Variants in GPATCH2 observed in about 807,000 individuals in gnomAD.
GPATCH2 encodes the protein G-patch domain containing 2.
GPATCH2 carries 51 observed loss-of-function variants against 58.0 expected under a neutral mutation model. The observed-to-expected ratio is 0.88, with a 90% CI of 0.70 to 1.11. GPATCH2 has a LOEUF of 1.11. Among genes scored for constraint, GPATCH2 ranks in the 50% most tolerant of loss-of-function variants. GPATCH2 has a pLI of 0.00. For synonymous variants in GPATCH2, 222 were observed against 218.5 expected, an observed-to-expected ratio of 1.02 and a Z score of -0.14; for missense variants, 625 against 652.2, an observed-to-expected ratio of 0.96 and a Z score of 0.45.
Position 217,449,237 on chromosome 1 carries a change from CTT to C in GPATCH2, c.1366+10_1366+11del. 6.8e-7 allele frequency: 1 copy of C among 1,459,914 alleles called. No individual in the cohort carries two copies. Among genetic ancestry groups the C allele is most frequent in the South Asian group, 1.1e-5 (1 of 87,850 alleles). The allele number at this position is 1,459,914 out of a possible 1,614,324, so 90.4% of individuals were successfully genotyped here. ...ACATTTGTGCTCCACTCTAACCCTG[CTT>C]TTGTTTTACCTGCAGTAGTAGGTCC... On this transcript the variant is annotated intron_variant, in intron 9 of 9. Transcript: ENST00000366935.
intron 5 of GPATCH2, among the ~76,000 whole-genome samples, chr1:217,580,339 G>A (rs767849186): frequency 3.0e-4 from 46 of 152,128 alleles, no homozygotes; most frequent in Non-Finnish European, 2.5e-4. Flanking sequence ...ATGAGATGAT[G>A]TACAGAGGAT....
chr1:217,465,376 A>C (rs1366350212), intron 8 of GPATCH2, among the ~76,000 whole-genome samples: 1 of 152,174 alleles, frequency 6.6e-6, no homozygotes, highest in Non-Finnish European at 1.5e-5. Context: ...AAAGCAACAA[A>C]ACAAAACAAA....
intron 5 of GPATCH2, among the ~76,000 whole-genome samples, chr1:217,587,609 G>A (rs1445487630): frequency 2.0e-5 from 3 of 152,138 alleles, no homozygotes; most frequent in Non-Finnish European, 4.4e-5. Flanking sequence ...ACAGTAGTGT[G>A]AAATTGTGGG....
chr1:217,579,622 A>C (rs577493445), intron 5 of GPATCH2, among the ~76,000 whole-genome samples: 24 of 152,302 alleles, frequency 1.6e-4, no homozygotes, highest in African/African-American at 5.8e-4. Flanking sequence ...CTATAGATGA[A>C]TGCCAAATCC....
At chr1:217,610,275 G>A (rs775303508) in intron 5 of GPATCH2, 46 bp downstream of exon 5, 1 of 1,487,980 alleles carries the variant, frequency 6.7e-7, no homozygotes, top group Non-Finnish European at 9.4e-7. Flanking sequence ...CCATAGAAAT[G>A]GAAACATTTC....
chr1:217,494,987 T>C (rs1361023866), intron 7 of GPATCH2: 5 of 226,406 alleles, frequency 2.2e-5, no homozygotes, highest in Admixed American at 6.5e-5. Flanking sequence ...AAACAGAACT[T>C]GTGAATATGG....
intron 5 of GPATCH2, 76 bp downstream of exon 5, chr1:217,610,245 T>C: frequency 6.6e-7 from 1 of 1,505,566 alleles, no homozygotes; most frequent in South Asian, 1.1e-5. Flanking sequence ...GAATAAAGGA[T>C]GAGGATGTGG....
chr1:217,447,982 C>T (rs1379500728), intron 9 of GPATCH2, among the ~76,000 whole-genome samples: 1 of 151,794 alleles, frequency 6.6e-6, no homozygotes, highest in East Asian at 1.9e-4. Context: ...CCCATAATCC[C>T]AACCACTTGG....
chr1:217,552,640 A>G (rs1665421061), intron 5 of GPATCH2, among the ~76,000 whole-genome samples: 1 of 152,190 alleles, frequency 6.6e-6, no homozygotes, highest in Admixed American at 6.5e-5. Context: ...TCTGAAAACA[A>G]ATTGCCTAAA....
intron 8 of GPATCH2, among the ~76,000 whole-genome samples, chr1:217,460,640 T>A (rs1476343926): frequency 6.6e-6 from 1 of 152,232 alleles, no homozygotes; most frequent in Non-Finnish European, 1.5e-5. Context: ...TATGGAGCAG[T>A]GGGAGGAGAT....
rs36063116 is a variant in GPATCH2 at position 217,515,799 on chromosome 1, T to TAA, written c.1099-912_1099-911dup. 2.8e-4 allele frequency among the ~76,000 whole-genome samples: 41 copies of TAA among 148,876 alleles called. No individual in the cohort carries two copies. In the South Asian group the frequency reaches 3.0e-3, roughly 11 times the overall value. On this transcript the variant is annotated intron_variant, in intron 5 of 9. Coordinates refer to ENST00000366935, the MANE Select transcript of GPATCH2 (RefSeq NM_018040.5). ...AAAAAAAGACCAGTGACTTATTACA[T>TAA]AAAAAAAAAAGTTTAATTAGATCAG...
chr1:217,617,928 A>C (rs1027396044), intron 2 of GPATCH2, among the ~76,000 whole-genome samples: 2 of 152,110 alleles, frequency 1.3e-5, no homozygotes, highest in Admixed American at 1.3e-4. Flanking sequence ...TACCAGTTAC[A>C]TGTCCTATAA....
intron 5 of GPATCH2, among the ~76,000 whole-genome samples, chr1:217,597,227 G>A (rs1416330504): frequency 6.6e-6 from 1 of 152,024 alleles, no homozygotes; most frequent in Admixed American, 6.6e-5. Context: ...TAGCTACTCA[G>A]GAGGCTGAGG....
intron 5 of GPATCH2, among the ~76,000 whole-genome samples, chr1:217,584,856 T>C (rs1667264420): frequency 6.6e-6 from 1 of 152,178 alleles, no homozygotes; most frequent in Non-Finnish European, 1.5e-5. Context: ...ATTAGTTATA[T>C]GGTAGACAAT....
At chr1:217,471,176 T>C (rs916523324) in intron 8 of GPATCH2, among the ~76,000 whole-genome samples, 12 of 152,058 alleles carry the variant, frequency 7.9e-5, no homozygotes, top group Non-Finnish European at 2.9e-5. Context: ...GAATTTGTTT[T>C]AAAATCCTAA....
intron 9 of GPATCH2, among the ~76,000 whole-genome samples, chr1:217,437,443 A>C (rs908837541): frequency 3.3e-5 from 5 of 152,148 alleles, no homozygotes; most frequent in Non-Finnish European, 4.4e-5. Flanking sequence ...AGCTCAGCAC[A>C]TCCCACCCCC....
chr1:217,513,183 C>T (rs114253061), intron 6 of GPATCH2, among the ~76,000 whole-genome samples: 1,559 of 151,950 alleles, frequency 0.01, 14 homozygotes, highest in Non-Finnish European at 0.014. Flanking sequence ...CCAAGCTACT[C>T]GAGAGGCTGA....
chr1:217,478,001 ATC>A (rs1396445453), intron 8 of GPATCH2, among the ~76,000 whole-genome samples: 1 of 152,150 alleles, frequency 6.6e-6, no homozygotes, highest in Non-Finnish European at 1.5e-5. Flanking sequence ...GAGAATTAGA[ATC>A]TCTGCCTGGT....
rs1156498555 is a variant in GPATCH2, at chr1:217,552,391, C to T, written c.1099-37502G>A. On this transcript the variant is annotated intron_variant, in intron 5 of 9. Coordinates refer to ENST00000366935, the MANE Select transcript of GPATCH2 (RefSeq NM_018040.5). ...CATATAATTTAATTTAATAAGTTAC[C>T]TAGTTAAAGGGGTATGTGGCCTAAT... Among the ~76,000 whole-genome samples, 3 of 152,022 alleles carry T rather than the reference C, an allele frequency of 2.0e-5. No individual in the cohort carries two copies. In the East Asian group the frequency reaches 5.8e-4, roughly 29 times the overall value.
Sources: allele counts gnomAD v4.1 joint callset (sites outside exome capture counted in the v4.1 genomes callset), GRCh38; gene constraint gnomAD v4.1.1; transcripts MANE v1.5; gene names NCBI Gene and HGNC (gene_info 2026-07-23, HGNC 2026-07-21).